Variants in CRACR2A observed in about 807,000 individuals in gnomAD.
CRACR2A encodes the protein EF-hand calcium-binding domain-containing protein 4B.
In CRACR2A, 79 loss-of-function variants were observed where a neutral mutation model predicts 90.5. The observed-to-expected ratio is 0.87, with a 90% CI of 0.73 to 1.05. The LOEUF (loss-of-function observed/expected upper bound fraction) is 1.05. CRACR2A is among the 50% of genes least tolerant of loss of function. CRACR2A has a pLI of 0.00. For missense variants in CRACR2A, 823 were observed against 897.2 expected, an observed-to-expected ratio of 0.92 and a Z score of 1.06; for synonymous variants, 338 against 356.7, an observed-to-expected ratio of 0.95 and a Z score of 0.59.
rs926817359 is a variant in CRACR2A at position 3,706,140 on chromosome 12, G to A, written c.-37+7097C>T. Among the ~76,000 whole-genome samples the A allele has an allele frequency of 2.0e-5, 3 of 152,212 alleles. No individual in the cohort carries two copies. In the East Asian group the frequency reaches 5.8e-4, roughly 29 times the overall value. On this transcript the variant is annotated intron_variant, in intron 3 of 19. Transcript: ENST00000440314. ...AATGTCTTAGTACTTGGGGGGAAAC[G>A]TGGGGTTTCACAGGGGGATCACCAG...
Position 3,643,887 on chromosome 12 carries a change from A to ATATATTTATATAT in CRACR2A, c.1164+707_1164+708insATATATAAATATA, listed in dbSNP as rs5796068. 3.0e-5 allele frequency among the ~76,000 whole-genome samples: 3 copies of ATATATTTATATAT among 100,286 alleles called. 1 individual carries two copies. In the East Asian group the frequency reaches 8.5e-4, roughly 28 times the overall value. The allele number at this position is 100,286 out of a possible 152,430, so 65.8% of individuals were successfully genotyped here. A position where few individuals can be genotyped will look rare whatever the true frequency, so the allele number is the denominator to read the frequency against. The stretch of plus-strand genomic sequence containing the variant: ...TATATATATTATATATATTTATATT[A>ATATATTTATATAT]ATATATAATATATATTATATATATT... On this transcript the variant is annotated intron_variant, in intron 12 of 19. Transcript: ENST00000440314.
rs573473861 is a variant in CRACR2A at position 3,671,008 on chromosome 12, C to T, written c.671+2438G>A. Among the ~76,000 whole-genome samples the T allele has an allele frequency of 2.6e-5, 4 of 152,304 alleles. No homozygotes were observed. In the South Asian group the frequency reaches 6.2e-4, roughly 24 times the overall value. ...TTTGGCTGAGCTGGTTTTGCACATG[C>T]AGCCAAGAGTGGCTTGACTTTTATC... On this transcript the variant is annotated intron_variant, in intron 7 of 19. Transcript: ENST00000440314.
At chr12:3,669,676 G>T (rs1945207401) in intron 7 of CRACR2A, among the ~76,000 whole-genome samples, 1 of 152,208 alleles carries the variant, frequency 6.6e-6, no homozygotes, top group Non-Finnish European at 1.5e-5. Flanking sequence ...CACTCTGAGG[G>T]GTTCTCCTGG....
At chr12:3,704,474 T>C (rs558555781) in intron 3 of CRACR2A, among the ~76,000 whole-genome samples, 62 of 152,304 alleles carry the variant, frequency 4.1e-4, no homozygotes, top group African/African-American at 1.3e-3. Flanking sequence ...TCCATGATAG[T>C]TTCCTGGACT....
At chr12:3,615,493 G>T in intron 19 of CRACR2A, 54 bp from the exon 20 acceptor site, 2 of 1,448,072 alleles carry the variant, frequency 1.4e-6, no homozygotes, top group Non-Finnish European at 1.9e-6. Context: ...AGGCCCAGGG[G>T]CTGGCAACCT....
chr12:3,650,445 C>G (rs1195621831), intron 10 of CRACR2A, among the ~76,000 whole-genome samples: 3 of 152,132 alleles, frequency 2.0e-5, no homozygotes, highest in Non-Finnish European at 4.4e-5. Context: ...ATGCAAATTC[C>G]TGACATTTTA....
At chr12:3,750,996 G>A (rs936700982) in intron 1 of CRACR2A, among the ~76,000 whole-genome samples, 1 of 152,162 alleles carries the variant, frequency 6.6e-6, no homozygotes, top group African/African-American at 2.4e-5. Flanking sequence ...AATCCAAATC[G>A]CCATCATCTT....
chr12:3,629,319 G>C (rs1404058140), intron 15 of CRACR2A, among the ~76,000 whole-genome samples: 1 of 152,188 alleles, frequency 6.6e-6, no homozygotes, highest in Non-Finnish European at 1.5e-5. Flanking sequence ...AGGCAGCTTT[G>C]TTTCACCTAG....
At chr12:3,743,998 A>C (rs1946570669) in intron 1 of CRACR2A, among the ~76,000 whole-genome samples, 1 of 152,244 alleles carries the variant, frequency 6.6e-6, no homozygotes, top group Non-Finnish European at 1.5e-5. Flanking sequence ...CAGGACAACC[A>C]CAGCCTAGGA....
At chr12:3,643,686 A>AGT (rs1180430472) in intron 12 of CRACR2A, among the ~76,000 whole-genome samples, 37 of 145,454 alleles carry the variant, frequency 2.5e-4, no homozygotes, top group Admixed American at 1.2e-3. Context: ...CGTTTAGGAA[A>AGT]GTGTGTGTGT....
chr12:3,673,321 C>A, intron 7 of CRACR2A, 125 bp downstream of exon 7: 1 of 1,197,082 alleles, frequency 8.4e-7, no homozygotes, highest in African/African-American at 1.5e-5. Flanking sequence ...GCCTGGTCCC[C>A]ACTTTGGCAG....
chr12:3,739,930 C>CAAA lies in CRACR2A; in HGVS notation c.-386-6723_-386-6721dup, dbSNP rs11406842. Among the ~76,000 whole-genome samples, 178 of 144,314 alleles carry CAAA rather than the reference C, an allele frequency of 1.2e-3. 1 individual carries two copies. The highest frequency in any genetic ancestry group is 4.1e-3 in the African/African-American group (161 of 38,984). The allele number at this position is 144,314 out of a possible 152,430, so 94.7% of individuals were successfully genotyped here. On this transcript the variant is annotated intron_variant, in intron 1 of 19. Transcript: ENST00000440314. ...GCCTGGCGACAGAGCGACTCCGTCT[C>CAAA]AAAAAAAAAAAAAATTATTGCATGC... is the stretch of plus-strand genomic sequence containing the variant.
At chr12:3,651,834 C>A (rs896001624) in intron 10 of CRACR2A, among the ~76,000 whole-genome samples, 2 of 152,142 alleles carry the variant, frequency 1.3e-5, no homozygotes, top group African/African-American at 4.8e-5. Flanking sequence ...CTCTCTGAGC[C>A]TCAGAATCTT....
chr12:3,696,865 C>A lies in CRACR2A; in HGVS notation c.135G>T (p.Thr45=). ...TCCTCAGCATGACTAGCTGGCCCGA[C>A]GTTTGCTCCTGAGTCTCCTTCTGCT... ...SLEQKETQEQ[T]SGQLVMLRKA... is the part of the protein sequence containing the mutation. The change falls in exon 4 of 20, where the codon ACG becomes ACT. Residue 45 remains threonine (T), a synonymous_variant. Transcript: ENST00000440314. 1.2e-6 allele frequency: 2 copies of A among 1,614,228 alleles called. No individual in the cohort carries two copies. The highest frequency in any genetic ancestry group is 2.7e-5 in the African/African-American group (2 of 75,060).
At chr12:3,710,002 G>T (rs1458314447) in intron 3 of CRACR2A, among the ~76,000 whole-genome samples, 1 of 152,042 alleles carries the variant, frequency 6.6e-6, no homozygotes, top group Non-Finnish European at 1.5e-5. Context: ...CATATTAAAG[G>T]CTCCTAATGT....
intron 2 of CRACR2A, among the ~76,000 whole-genome samples, chr12:3,718,601 G>A (rs1032711394): frequency 6.6e-6 from 1 of 152,230 alleles, no homozygotes; most frequent in African/African-American, 2.4e-5. Flanking sequence ...AAAAGATCTC[G>A]TTAATAATTT....
At chr12:3,697,557 A>AATCCAAGCC (rs1461685167) in intron 3 of CRACR2A, among the ~76,000 whole-genome samples, 2 of 152,196 alleles carry the variant, frequency 1.3e-5, no homozygotes, top group East Asian at 3.9e-4. Flanking sequence ...CTGAGATTGA[A>AATCCAAGCC]ATCCAAGCCT....
At chr12:3,734,659 A>G (rs113622952) in intron 1 of CRACR2A, among the ~76,000 whole-genome samples, 41,468 of 148,796 alleles carry the variant, frequency 0.28, 6,123 homozygotes, top group East Asian at 0.38. Flanking sequence ...GTGTGCATAT[A>G]CATAATAGAA....
chr12:3,682,530 T>C (rs1320227809), intron 4 of CRACR2A, among the ~76,000 whole-genome samples: 1 of 152,188 alleles, frequency 6.6e-6, no homozygotes, highest in Non-Finnish European at 1.5e-5. Flanking sequence ...AGGTTCCAAG[T>C]AATTCTTACT....
Sources: gnomAD v4.1 joint callset for allele counts (sites outside exome capture counted in the v4.1 genomes callset) on GRCh38, gnomAD v4.1.1 for gene constraint, MANE v1.5 for transcripts, NCBI Gene and HGNC (gene_info 2026-07-23, HGNC 2026-07-21) for gene names.